The following ARHGAP11B variants were observed in gnomAD, a reference collection of about 807,000 sequenced individuals.
The protein encoded by ARHGAP11B is Rho GTPase activating protein 11B, also known as inactive Rho GTPase-activating protein 11B.
In ARHGAP11B, 14 loss-of-function variants were observed where a neutral mutation model predicts 27.6. The ratio of observed to expected loss-of-function variants is 0.51; its 90% CI spans 0.34 to 0.79. The LOEUF (loss-of-function observed/expected upper bound fraction) is 0.79, where lower values mean the gene tolerates loss of function less well. Among genes scored for constraint, ARHGAP11B ranks in the 30% least tolerant of loss-of-function variants. The pLI, the probability that ARHGAP11B is intolerant of heterozygous loss-of-function variation, is 0.02. For missense variants in ARHGAP11B, 245 were observed against 320.1 expected (o/e 0.77, Z 1.79); for synonymous variants, 82 against 114.1 (o/e 0.72, Z 1.80).
At position 30,635,685 on chromosome 15, in the gene ARHGAP11B, G is replaced by C. The variant is rs2060275967; in HGVS notation, c.*3+52G>C. The C allele has an allele frequency of 3.8e-6, 6 of 1,586,980 alleles. No individual in the cohort carries two copies. The Admixed American group carries it at 5.4e-5, about 14-fold the overall frequency. On this transcript the variant is annotated intron_variant, in intron 6 of 10. Transcript: ENST00000428041. The stretch of plus-strand genomic sequence containing the variant: ...GTACAGTGATTTGCTTTAATCGAAA[G>C]TACATTTCACATAAAGAAGCATGAA...
chr15:30,637,323 T>G (rs1054230734), intron 6 of ARHGAP11B, among the ~76,000 whole-genome samples: 1 of 152,072 alleles, frequency 6.6e-6, no homozygotes, highest in African/African-American at 2.4e-5. Flanking sequence ...GCACCACTAT[T>G]CCCTAGATAA....
rs1235284219 is a variant in ARHGAP11B, at chr15:30,644,573, G to A, written c.*79-66G>A. 4 of 907,384 alleles carry A rather than the reference G, an allele frequency of 4.4e-6. No homozygotes were observed. The East Asian group carries it at 7.3e-5, about 17-fold the overall frequency. The allele number at this position is 907,384 out of a possible 1,614,324, so 56.2% of individuals were successfully genotyped here. On this transcript the variant is annotated intron_variant, in intron 7 of 10. Coordinates refer to ENST00000428041, the Ensembl canonical transcript of ARHGAP11B. Reference sequence around the variant, plus strand: ...TCATTGATTTATTATCTGATATAAGGGACATATAAGGAGACATATCAATCT... The same window carrying A: ...TCATTGATTTATTATCTGATATAAGAGACATATAAGGAGACATATCAATCT...
chr15:30,629,244 A>T (rs2060228705), intron 1 of ARHGAP11B, among the ~76,000 whole-genome samples: 1 of 152,128 alleles, frequency 6.6e-6, no homozygotes, highest in African/African-American at 2.4e-5. Flanking sequence ...AAGAGTTAAG[A>T]TGTAAAACCT....
intron 9 of ARHGAP11B, among the ~76,000 whole-genome samples, chr15:30,647,127 TC>T (rs1278195384): frequency 3.9e-5 from 6 of 151,972 alleles, no homozygotes; most frequent in African/African-American, 1.4e-4. Flanking sequence ...AAGGCAGACA[TC>T]AACCCCCTAA....
exon 6 of ARHGAP11B, chr15:30,635,587 T>C (rs1567513977): frequency 1.2e-6 from 2 of 1,613,410 alleles, no homozygotes; most frequent in African/African-American, 2.7e-5. Context: ...AAGGTGAATA[T>C]GAAACTCCTG....
In ARHGAP11B at chr15:30,644,125, C is replaced by CA. The variant is rs567741917; in HGVS notation, c.*79-502dup. The stretch of plus-strand genomic sequence containing the variant: ...GCTGTATTCTCTAAACTACTATTTA[C>CA]AAAAAAAAAAAATTCTTTCTGTCCA... On this transcript the variant is annotated intron_variant, in intron 7 of 10. Transcript: ENST00000428041. Among the ~76,000 whole-genome samples the CA allele has an allele frequency of 9.9e-3, 1,432 of 145,066 alleles. 14 individuals are homozygous for CA. Among genetic ancestry groups the CA allele is most frequent in the Non-Finnish European group, 0.015 (958 of 65,604 alleles).
chr15:30,626,953 A>G lies in ARHGAP11B; in HGVS notation c.129+4A>G. ...AACAGCAGCCACGGAAATAGGGGTAAGTTCTGTGAAAAGGGATTTAGGTTT... is the reference window on the plus strand; with the variant it reads ...AACAGCAGCCACGGAAATAGGGGTAGGTTCTGTGAAAAGGGATTTAGGTTT... On this transcript the variant is annotated splice_donor_region_variant and intron_variant, in intron 1 of 10. Coordinates refer to ENST00000428041, the Ensembl canonical transcript of ARHGAP11B. 1 of 1,612,284 alleles carries G rather than the reference A, an allele frequency of 6.2e-7. No individual in the cohort carries two copies. The highest frequency in any genetic ancestry group is 8.5e-7 in the Non-Finnish European group (1 of 1,179,374).
chr15:30,647,142 A>G (rs2060354842), intron 9 of ARHGAP11B, among the ~76,000 whole-genome samples: 2 of 151,640 alleles, frequency 1.3e-5, no homozygotes, highest in Non-Finnish European at 2.9e-5. Flanking sequence ...CCCCTAAGAC[A>G]TTTTTTTCCT....
chr15:30,628,013 C>A, intron 1 of ARHGAP11B, among the ~76,000 whole-genome samples: 1 of 150,922 alleles, frequency 6.6e-6, no homozygotes, highest in Admixed American at 6.6e-5. Context: ...TCAAATGTAG[C>A]TGATTTTGTA....
chr15:30,633,949 TG>T (rs1276634776), intron 3 of ARHGAP11B, among the ~76,000 whole-genome samples: 1 of 151,616 alleles, frequency 6.6e-6, no homozygotes, highest in Non-Finnish European at 1.5e-5. Flanking sequence ...TGCTTGAGCC[TG>T]GGAGTTTGAA....
Position 30,627,748 on chromosome 15 carries a change from A to G in ARHGAP11B, c.129+799A>G, listed in dbSNP as rs551864569. Among the ~76,000 whole-genome samples the G allele has an allele frequency of 1.3e-4, 20 of 152,170 alleles. No homozygotes were observed. The East Asian group carries it at 3.9e-3, about 30-fold the overall frequency. ...CATTTTATTTTAAATTTATGTGCCT[A>G]ATTTATATGGTACTTCCTAGTACTT... On this transcript the variant is annotated intron_variant, in intron 1 of 10. Coordinates refer to ENST00000428041, the Ensembl canonical transcript of ARHGAP11B.
At chr15:30,628,373 A>T (rs1355540152) in intron 1 of ARHGAP11B, among the ~76,000 whole-genome samples, 1 of 151,858 alleles carries the variant, frequency 6.6e-6, no homozygotes, top group Non-Finnish European at 1.5e-5. Flanking sequence ...GAGCCACTGC[A>T]CCTGTCCTTT....
chr15:30,626,282 C>G (rs1318652804), exon 1 of ARHGAP11B: 2 of 152,734 alleles, frequency 1.3e-5, no homozygotes, highest in African/African-American at 2.4e-5. Flanking sequence ...CGGCGGCTAC[C>G]AGCCCGGGCG....
chr15:30,635,342 A>G lies in ARHGAP11B; in HGVS notation c.661-145A>G, dbSNP rs1001989886. 2.7e-5 allele frequency: 38 copies of G among 1,423,290 alleles called. No individual in the cohort carries two copies. The East Asian group carries it at 7.4e-4, about 28-fold the overall frequency. The allele number at this position is 1,423,290 out of a possible 1,614,324, so 88.2% of individuals were successfully genotyped here. A position where few individuals can be genotyped will look rare whatever the true frequency, so the allele number is the denominator to read the frequency against. ...AAGGCAACTGTTAGAAAGTTGGTAT[A>G]TTACTGACCTCACCCCCACCCTACA... On this transcript the variant is annotated intron_variant, in intron 5 of 10. Transcript: ENST00000428041.
At chr15:30,643,215 T>C (rs529666001) in intron 7 of ARHGAP11B, among the ~76,000 whole-genome samples, 1 of 152,080 alleles carries the variant, frequency 6.6e-6, no homozygotes, top group South Asian at 2.1e-4. Flanking sequence ...TAATCTGTCC[T>C]AGTCTTTCAT....
intron 6 of ARHGAP11B, among the ~76,000 whole-genome samples, chr15:30,637,541 T>C (rs181461434): frequency 3.9e-3 from 587 of 152,012 alleles, no homozygotes; most frequent in African/African-American, 0.013. Flanking sequence ...GAGACCATCC[T>C]GGCTAACACA....
At chr15:30,644,956 C>G (rs1482985791) in intron 8 of ARHGAP11B, among the ~76,000 whole-genome samples, 3 of 151,844 alleles carry the variant, frequency 2.0e-5, no homozygotes, top group African/African-American at 7.3e-5. Context: ...GCAAGTTTTC[C>G]TGTAGAGTGG....
At chr15:30,626,135 C>T (rs1463278113) in exon 1 of ARHGAP11B, 2 of 153,782 alleles carry the variant, frequency 1.3e-5, no homozygotes, top group Non-Finnish European at 2.9e-5. Flanking sequence ...CGTGGTGGCT[C>T]CGGGTGTCTG....
intron 1 of ARHGAP11B, among the ~76,000 whole-genome samples, chr15:30,630,374 T>C (rs1385859311): frequency 6.6e-6 from 1 of 151,838 alleles, no homozygotes; most frequent in Non-Finnish European, 1.5e-5. Flanking sequence ...ATGTTAGTGT[T>C]TTGGACCAAA....
Sources: allele counts gnomAD v4.1 joint callset (sites outside exome capture counted in the v4.1 genomes callset), GRCh38; gene constraint gnomAD v4.1.1; transcripts MANE v1.5; gene names NCBI Gene and HGNC (gene_info 2026-07-23, HGNC 2026-07-21).